TTC34: variants seen among roughly 807,000 people sequenced by gnomAD.
TTC34 encodes tetratricopeptide repeat domain 34, also known as tetratricopeptide repeat protein 34.
In TTC34, 44 loss-of-function variants were observed where a neutral mutation model predicts 40.7. The observed-to-expected ratio is 1.08, with a 90% CI of 0.85 to 1.39. The LOEUF (loss-of-function observed/expected upper bound fraction) is 1.39. Ranked by LOEUF, TTC34 falls within the 40% of genes most tolerant of loss-of-function variation. The pLI is 0.00. For synonymous variants in TTC34, 422 were observed against 398.6 expected (o/e 1.06, Z -0.70); for missense variants, 884 against 838.0 (o/e 1.05, Z -0.68).
intron 6 of TTC34, among the ~76,000 whole-genome samples, chr1:2,666,068 C>T (rs1318979871): frequency 2.6e-5 from 2 of 75,668 alleles, no homozygotes; most frequent in Admixed American, 1.3e-4. Context: ...AAGCATCTGA[C>T]AGACTGGAAC....
chr1:2,660,745 C>A (rs1371045539), intron 6 of TTC34, among the ~76,000 whole-genome samples: 1 of 95,840 alleles, frequency 1.0e-5, no homozygotes, highest in African/African-American at 4.3e-5. Context: ...GGAGCAGCAC[C>A]CCACACCCAC....
chr1:2,753,501 AGG>A (rs1641396084), intron 6 of TTC34, among the ~76,000 whole-genome samples: 1 of 79,448 alleles, frequency 1.3e-5, no homozygotes, highest in South Asian at 5.6e-4. Context: ...CCACACCCCC[AGG>A]CGAGCATCGG....
intron 2 of TTC34, among the ~76,000 whole-genome samples, chr1:2,799,274 G>A (rs1285885712): frequency 5.9e-5 from 9 of 152,214 alleles, no homozygotes; most frequent in Non-Finnish European, 1.3e-4. Context: ...CGGGCGCGGT[G>A]GTTCACTCCT....
intron 6 of TTC34, among the ~76,000 whole-genome samples, chr1:2,688,188 G>C (rs1332457696): frequency 7.3e-6 from 1 of 137,850 alleles, no homozygotes; most frequent in Non-Finnish European, 1.5e-5. Context: ...GCATCGGACA[G>C]CCTGGAGCAG....
Position 2,691,623 on chromosome 1 carries a change from C to A in TTC34, c.2227-46060G>T, listed in dbSNP as rs907764535. Among the ~76,000 whole-genome samples, 20 of 88,102 alleles carry A rather than the reference C, an allele frequency of 2.3e-4. 1 individual carries two copies. The highest frequency in any genetic ancestry group is 6.9e-4 in the South Asian group (2 of 2,906). 57.8% of individuals were successfully genotyped at this position (88,102 alleles called of 152,430 possible). A position where few individuals can be genotyped will look rare whatever the true frequency, so the allele number is the denominator to read the frequency against. On this transcript the variant is annotated intron_variant, in intron 6 of 8. Coordinates refer to ENST00000401095, the Ensembl canonical transcript of TTC34. ...TGACAGCCTGGAACAGCACCCTGCA[C>A]CCCCAGGTGCGCACGTGACAGCCTG...
At chr1:2,690,358 A>G (rs1463082182) in intron 6 of TTC34, among the ~76,000 whole-genome samples, 1 of 131,664 alleles carries the variant, frequency 7.6e-6, no homozygotes, top group East Asian at 2.3e-4. Flanking sequence ...GAGCATCTGA[A>G]CTCATGGAGC....
At chr1:2,769,722 GC>G (rs1641992353) in intron 6 of TTC34, among the ~76,000 whole-genome samples, 1 of 149,990 alleles carries the variant, frequency 6.7e-6, no homozygotes, top group African/African-American at 2.5e-5. Flanking sequence ...CCCCAGGTGA[GC>G]ATCTGACAGC....
At chr1:2,643,463 G>C (rs970219915) in intron 8 of TTC34, among the ~76,000 whole-genome samples, 40 of 152,250 alleles carry the variant, frequency 2.6e-4, no homozygotes, top group African/African-American at 9.4e-4. Context: ...TCTGGGCTCC[G>C]GGACCATGGC....
chr1:2,788,352 G>GGT (rs1004333693), intron 3 of TTC34, among the ~76,000 whole-genome samples: 3 of 151,246 alleles, frequency 2.0e-5, no homozygotes, highest in African/African-American at 4.9e-5. Flanking sequence ...TGTTGTGTGT[G>GGT]GTGTGTGTGT....
intron 6 of TTC34, among the ~76,000 whole-genome samples, chr1:2,687,692 G>A (rs1293523805): frequency 1.9e-4 from 29 of 148,962 alleles, no homozygotes; most frequent in Non-Finnish European, 3.4e-4. Context: ...CACACCCCCA[G>A]TTGAGCATCT....
intron 6 of TTC34, among the ~76,000 whole-genome samples, chr1:2,764,580 A>AGC (rs1641744789): frequency 1.9e-5 from 2 of 107,558 alleles, no homozygotes; most frequent in East Asian, 3.6e-4. Context: ...CAGCGCCCAC[A>AGC]CACTGAGGTG....
chr1:2,767,485 A>C (rs1189070167), intron 6 of TTC34, among the ~76,000 whole-genome samples: 108 of 140,890 alleles, frequency 7.7e-4, no homozygotes, highest in Middle Eastern at 7.8e-3. Context: ...TTCTCCAACC[A>C]CAGGTGAGGA....
At chr1:2,784,999 C>A (rs1157304432) in intron 5 of TTC34, among the ~76,000 whole-genome samples, 16 of 151,996 alleles carry the variant, frequency 1.1e-4, no homozygotes, top group Non-Finnish European at 1.8e-4. Context: ...CTGCTCTGGG[C>A]CGCTCTGGGC....
intron 6 of TTC34, among the ~76,000 whole-genome samples, chr1:2,748,768 A>C (rs1407316384): frequency 1.1e-4 from 3 of 26,216 alleles, no homozygotes; most frequent in African/African-American, 3.9e-4. Flanking sequence ...CACCCCTAGG[A>C]GAGCATCCGG....
chr1:2,685,767 G>A lies in TTC34; in HGVS notation c.2227-40204C>T, dbSNP rs111441043. Among the ~76,000 whole-genome samples, 563 of 147,556 alleles carry A rather than the reference G, an allele frequency of 3.8e-3. 1 individual carries two copies. The highest frequency in any genetic ancestry group is 6.5e-3 in the Admixed American group (95 of 14,678). ...TGGAGCAGAACCCACACCCACAGGTGAGCATCTGACAGCCTGGAACAGAAC... is the reference window on the plus strand; with the variant it reads ...TGGAGCAGAACCCACACCCACAGGTAAGCATCTGACAGCCTGGAACAGAAC... On this transcript the variant is annotated intron_variant, in intron 6 of 8. Transcript: ENST00000401095.
At chr1:2,790,048 C>A (rs1643645028) in exon 3 of TTC34, 1 of 397,576 alleles carries the variant, frequency 2.5e-6, no homozygotes, top group African/African-American at 2.1e-5. Flanking sequence ...CCAGGCGAAG[C>A]AGGACGCGGA....
intron 6 of TTC34, among the ~76,000 whole-genome samples, chr1:2,695,092 C>T (rs967442354): frequency 0.071 from 912 of 12,846 alleles, 11 homozygotes; most frequent in African/African-American, 0.077. Flanking sequence ...GAGCATCTGA[C>T]AACCTGGAAC....
At chr1:2,680,610 C>A (rs57629415) in intron 6 of TTC34, among the ~76,000 whole-genome samples, 1,539 of 67,422 alleles carry the variant, frequency 0.023, no homozygotes, top group Middle Eastern at 0.041. Context: ...ATCGTGGAGC[C>A]GCACCCCACA....
At chr1:2,699,564 G>C (rs1166979925) in intron 6 of TTC34, among the ~76,000 whole-genome samples, 4 of 143,292 alleles carry the variant, frequency 2.8e-5, no homozygotes, top group African/African-American at 7.6e-5. Context: ...GCCTGGAGCA[G>C]CACCCACACC....
Sources: allele counts gnomAD v4.1 joint callset (sites outside exome capture counted in the v4.1 genomes callset), GRCh38; gene constraint gnomAD v4.1.1; transcripts MANE v1.5; gene names NCBI Gene and HGNC (gene_info 2026-07-23, HGNC 2026-07-21).